GRAMD4: variants seen among roughly 807,000 people sequenced by gnomAD.
GRAMD4 encodes GRAM domain containing 4, also known as GRAM domain-containing protein 4.
Under a neutral mutation model 83.9 loss-of-function variants are expected in GRAMD4, and 25 were observed. The observed-to-expected ratio is 0.30, with a 90% CI of 0.22 to 0.42. GRAMD4 has a LOEUF of 0.42. Among genes scored for constraint, GRAMD4 ranks in the 10% least tolerant of loss-of-function variants. The probability of loss-of-function intolerance (pLI) is 1.00; values close to 1 mark genes in which losing one functional copy is unlikely to be tolerated. For missense variants in GRAMD4, 593 were observed against 788.7 expected (o/e 0.75, Z 2.97); for synonymous variants, 336 against 320.9 (o/e 1.05, Z -0.50).
intron 1 of GRAMD4, among the ~76,000 whole-genome samples, chr22:46,614,005 A>G (rs1347308868): frequency 6.6e-6 from 1 of 152,218 alleles, no homozygotes; most frequent in Non-Finnish European, 1.5e-5. Context: ...AGGGATCTGG[A>G]GGCGGCTCAC....
intron 2 of GRAMD4, among the ~76,000 whole-genome samples, chr22:46,631,961 G>A (rs1475745684): frequency 6.7e-6 from 1 of 148,824 alleles, no homozygotes; most frequent in Non-Finnish European, 1.5e-5. Flanking sequence ...AGAACCTCAC[G>A]GCCTGTGTCC....
intron 2 of GRAMD4, among the ~76,000 whole-genome samples, chr22:46,627,263 C>G (rs2081679878): frequency 6.6e-6 from 1 of 152,244 alleles, no homozygotes; most frequent in South Asian, 2.1e-4. Context: ...CGGCCTGGCC[C>G]TGGGAGCGTT....
intron 13 of GRAMD4, among the ~76,000 whole-genome samples, chr22:46,671,388 C>T (rs1409868945): frequency 1.3e-5 from 2 of 152,232 alleles, no homozygotes; most frequent in African/African-American, 4.8e-5. Context: ...ACCAAAAATA[C>T]AAAATGTAGC....
chr22:46,651,223 A>G (rs1569290342), intron 3 of GRAMD4, among the ~76,000 whole-genome samples: 1 of 151,648 alleles, frequency 6.6e-6, no homozygotes, highest in Non-Finnish European at 1.5e-5. Context: ...GTTCCGACTC[A>G]CTCCTTGGGC....
intron 3 of GRAMD4, among the ~76,000 whole-genome samples, chr22:46,645,784 A>T (rs1050943658): frequency 1.3e-5 from 2 of 152,226 alleles, no homozygotes; most frequent in Non-Finnish European, 2.9e-5. Flanking sequence ...GAAGCACATA[A>T]ATAAATTAAA....
Position 46,668,817 on chromosome 22 carries a change from G to C in GRAMD4, c.993G>C (p.Gln331His), listed in dbSNP as rs750746085. 1 of 1,611,906 alleles carries C rather than the reference G, an allele frequency of 6.2e-7. No homozygotes were observed. The highest frequency in any genetic ancestry group is 1.7e-5 in the Admixed American group (1 of 59,948). ...CTTCCAGCTTGTTCATGTGGGTCCAGCCGGAGATCACACAGAAGCTGTATG... is the reference window on the plus strand; with the variant it reads ...CTTCCAGCTTGTTCATGTGGGTCCACCCGGAGATCACACAGAAGCTGTATG... ...EKIKNLFMWV[Q>H]PEITQKLYVA... The change falls in exon 13 of 19, where the codon CAG (glutamine) becomes CAC (histidine). Residue 331 changes from glutamine (Q) to histidine (H), a missense_variant. Gln to His is a conservative substitution (Grantham distance 24, BLOSUM62 0). Around this residue, in one of 4 missense-constraint regions of GRAMD4, gnomAD observed 171 missense variants for 199.6 expected, o/e 0.86. Transcript: ENST00000406902.
upstream of GRAMD4, among the ~76,000 whole-genome samples, chr22:46,617,111 C>T (rs539981174): frequency 9.2e-6 from 1 of 108,138 alleles, no homozygotes; most frequent in African/African-American, 3.8e-5. Context: ...TTCCCCTGTC[C>T]GTGTAGGTTC....
chr22:46,650,917 G>A (rs1183610820), intron 3 of GRAMD4, among the ~76,000 whole-genome samples: 1 of 152,150 alleles, frequency 6.6e-6, no homozygotes, highest in Non-Finnish European at 1.5e-5. Context: ...GGGTCTGAGG[G>A]TCCCTCTGGG....
upstream of GRAMD4, chr22:46,576,144 G>C (rs549800128): frequency 7.2e-6 from 1 of 139,088 alleles, no homozygotes; most frequent in Admixed American, 6.8e-5. Context: ...GCAGAGCACA[G>C]GGGACCCAGT....
intron 1 of GRAMD4, chr22:46,588,030 C>T: frequency 1.2e-6 from 1 of 821,278 alleles, no homozygotes; most frequent in Non-Finnish European, 1.5e-6. Context: ...GTCTACTTGG[C>T]TCTAGATGTC....
chr22:46,647,945 T>C (rs1247375466), intron 3 of GRAMD4, among the ~76,000 whole-genome samples: 5 of 152,262 alleles, frequency 3.3e-5, no homozygotes, highest in Non-Finnish European at 7.3e-5. Context: ...CATATTCATC[T>C]ACCAACTGGA....
At chr22:46,650,108 G>A (rs574152736) in intron 3 of GRAMD4, among the ~76,000 whole-genome samples, 4 of 152,364 alleles carry the variant, frequency 2.6e-5, no homozygotes, top group South Asian at 2.1e-4. Flanking sequence ...CTTTTTGGGT[G>A]GATTCTGAGT....
intron 3 of GRAMD4, among the ~76,000 whole-genome samples, chr22:46,649,548 A>G (rs772783946): frequency 6.6e-6 from 1 of 152,240 alleles, no homozygotes; most frequent in South Asian, 2.1e-4. Context: ...TCAGTACATT[A>G]TCTGTCCACC....
At chr22:46,629,101 A>T (rs887503491) in intron 2 of GRAMD4, among the ~76,000 whole-genome samples, 1 of 151,992 alleles carries the variant, frequency 6.6e-6, no homozygotes, top group Admixed American at 6.6e-5. Context: ...TGCGGGGGGA[A>T]ACCACCTCAG....
intron 1 of GRAMD4, among the ~76,000 whole-genome samples, chr22:46,623,961 A>C (rs2081616098): frequency 6.6e-6 from 1 of 151,046 alleles, no homozygotes; most frequent in Non-Finnish European, 1.5e-5. Context: ...TTTGTATTTT[A>C]AGCAGAGATG....
chr22:46,659,525 C>A lies in GRAMD4; in HGVS notation c.404+1218C>A, dbSNP rs1286667033. Among the ~76,000 whole-genome samples, 1 of 152,242 alleles carries A rather than the reference C, an allele frequency of 6.6e-6. No individual in the cohort carries two copies. The highest frequency in any genetic ancestry group is 1.5e-5 in the Non-Finnish European group (1 of 68,042). ...CCAGCTGAGCACTGCCTGCTATGAG[C>A]GCTCCGGGGGCCGTGTGTCATTGTC... is the stretch of plus-strand genomic sequence containing the variant. On this transcript the variant is annotated intron_variant, in intron 4 of 18. Coordinates refer to ENST00000406902, the MANE Select transcript of GRAMD4 (RefSeq NM_015124.5). The surrounding 1 kb of genome is among the most constrained non-coding windows in gnomAD (Gnocchi z 4.1).
intron 1 of GRAMD4, chr22:46,587,884 G>T: frequency 1.0e-6 from 1 of 985,050 alleles, no homozygotes; most frequent in South Asian, 4.7e-5. Flanking sequence ...GGGTGGGGCC[G>T]CGGGAGGATG....
chr22:46,609,003 C>T (rs898881408), intron 1 of GRAMD4, among the ~76,000 whole-genome samples: 1 of 152,148 alleles, frequency 6.6e-6, no homozygotes, highest in Non-Finnish European at 1.5e-5. Context: ...TGGCACGTGC[C>T]TGCAGTACCA....
intron 1 of GRAMD4, among the ~76,000 whole-genome samples, chr22:46,611,377 C>A (rs970673653): frequency 1.3e-5 from 2 of 152,036 alleles, no homozygotes; most frequent in Non-Finnish European, 2.9e-5. Context: ...GGGTGCTAAG[C>A]TGCTTCTGGG....
Sources: allele counts gnomAD v4.1 joint callset (sites outside exome capture counted in the v4.1 genomes callset), GRCh38; gene constraint gnomAD v4.1.1; regional missense constraint gnomAD v4.1.1; non-coding constraint Gnocchi (gnomAD v3.1); transcripts MANE v1.5; gene names NCBI Gene and HGNC (gene_info 2026-07-23, HGNC 2026-07-21).